PTK2: variants seen among roughly 807,000 people sequenced by gnomAD.
PTK2 encodes the protein protein tyrosine kinase 2.
A neutral mutation model predicts 150.1 loss-of-function variants in PTK2; 45 were observed. The observed-to-expected ratio is 0.30, with a 90% CI of 0.24 to 0.38. The LOEUF is 0.38. Among genes scored for constraint, PTK2 ranks in the 10% least tolerant of loss-of-function variants. PTK2 has a pLI of 1.00. For synonymous variants in PTK2, 432 were observed against 449.2 expected (o/e 0.96, Z 0.48); for missense variants, 919 against 1,307.3 (o/e 0.70, Z 4.58).
chr8:140,775,931 C>T (rs1376642620), intron 14 of PTK2, among the ~76,000 whole-genome samples: 1 of 152,160 alleles, frequency 6.6e-6, no homozygotes, highest in East Asian at 1.9e-4. Flanking sequence ...GCCCCTGCAC[C>T]TAAACCACTA....
At chr8:140,729,061 T>C (rs2100047651) in intron 22 of PTK2, among the ~76,000 whole-genome samples, 1 of 151,872 alleles carries the variant, frequency 6.6e-6, no homozygotes, top group African/African-American at 2.4e-5. Context: ...GGTATGATAC[T>C]GAGAAGCGAT....
intron 24 of PTK2, among the ~76,000 whole-genome samples, chr8:140,705,453 G>T (rs1368560723): frequency 6.6e-6 from 1 of 152,146 alleles, no homozygotes; most frequent in Non-Finnish European, 1.5e-5. Flanking sequence ...TGAGAAGAAT[G>T]GTTGCTCCTG....
intron 1 of PTK2, among the ~76,000 whole-genome samples, chr8:140,978,998 C>T (rs1474531696): frequency 6.6e-6 from 1 of 151,346 alleles, no homozygotes; most frequent in Non-Finnish European, 1.5e-5. Context: ...TCTCAGCAAA[C>T]TATCGCAAGG....
intron 12 of PTK2, among the ~76,000 whole-genome samples, chr8:140,793,825 C>T (rs1460991199): frequency 2.6e-5 from 4 of 152,150 alleles, no homozygotes; most frequent in Non-Finnish European, 4.4e-5. Context: ...TGGCTGCCAA[C>T]GGAATGAATG....
chr8:140,961,202 A>G (rs945266769), intron 1 of PTK2, among the ~76,000 whole-genome samples: 9 of 152,200 alleles, frequency 5.9e-5, no homozygotes, highest in African/African-American at 2.2e-4. Flanking sequence ...ACTACACCAC[A>G]CTTTGCTAAG....
chr8:140,722,263 G>A (rs910143843), intron 22 of PTK2, among the ~76,000 whole-genome samples: 6 of 152,110 alleles, frequency 3.9e-5, no homozygotes, highest in Non-Finnish European at 7.4e-5. Context: ...GTGATCCACT[G>A]TGCCTGGCCA....
intron 3 of PTK2, among the ~76,000 whole-genome samples, chr8:140,886,173 G>A (rs931330778): frequency 6.6e-6 from 1 of 152,198 alleles, no homozygotes; most frequent in African/African-American, 2.4e-5. Flanking sequence ...AAAGACGATT[G>A]CAAATGGATC....
chr8:140,668,550 G>A, intron 29 of PTK2, 126 bp from the exon 34 acceptor site: 1 of 1,087,824 alleles, frequency 9.2e-7, no homozygotes, highest in Non-Finnish European at 1.3e-6. Flanking sequence ...ATTTTCTTGT[G>A]TGTGCGGGAT....
chr8:140,863,083 T>C (rs540121710), intron 5 of PTK2, among the ~76,000 whole-genome samples: 23 of 152,256 alleles, frequency 1.5e-4, no homozygotes, highest in African/African-American at 5.3e-4. Context: ...TAGAAAAATA[T>C]AGAACAACTT....
chr8:140,909,930 T>C (rs768325884), intron 2 of PTK2, among the ~76,000 whole-genome samples: 30 of 152,200 alleles, frequency 2.0e-4, no homozygotes, highest in Non-Finnish European at 1.0e-4. Context: ...TGAAATGTAT[T>C]CATAATCCAA....
rs569620288 is a variant in PTK2, at chr8:140,693,025, C to T, written c.2500-6331G>A. Among the ~76,000 whole-genome samples the T allele has an allele frequency of 1.2e-4, 18 of 151,960 alleles. No individual in the cohort carries two copies. The South Asian group carries it at 3.7e-3, about 32-fold the overall frequency. On this transcript the variant is annotated intron_variant, in intron 26 of 31. Coordinates refer to ENST00000522684, the Ensembl canonical transcript of PTK2. ...TTTAAAATTAAAATCCTGTTTTAAG[C>T]ATAGTATCACATTAGAAAATTATTG...
chr8:140,772,321 G>C (rs1008467061), intron 14 of PTK2, among the ~76,000 whole-genome samples: 3 of 152,132 alleles, frequency 2.0e-5, no homozygotes, highest in African/African-American at 4.8e-5. Context: ...CCCAGCTATT[G>C]AGGAGGCTGA....
intron 30 of PTK2, among the ~76,000 whole-genome samples, chr8:140,667,464 CTCT>C (rs1554635372): frequency 7.3e-4 from 62 of 84,704 alleles, no homozygotes; most frequent in Middle Eastern, 6.0e-3. Flanking sequence ...CTCTCTCTCT[CTCT>C]TTTTTTTTTT....
chr8:140,764,040 G>C (rs1206394091), intron 15 of PTK2, 194 bp downstream of exon 17: 2 of 609,312 alleles, frequency 3.3e-6, no homozygotes, highest in East Asian at 5.2e-5. Flanking sequence ...ACAGATATTT[G>C]AGTTTTAGGC....
chr8:140,888,251 T>C (rs1480021907), intron 3 of PTK2, among the ~76,000 whole-genome samples: 1 of 152,228 alleles, frequency 6.6e-6, no homozygotes, highest in East Asian at 1.9e-4. Flanking sequence ...TTTGTTCAGA[T>C]GTACAAATCC....
chr8:140,816,341 A>G (rs143795744), intron 10 of PTK2, among the ~76,000 whole-genome samples: 89 of 152,340 alleles, frequency 5.8e-4, no homozygotes, highest in African/African-American at 2.0e-3. Context: ...CTGAAACACA[A>G]TATCAAAAAA....
rs140199555 is a variant in PTK2 at position 140,719,047 on chromosome 8, G to A, written c.2031-1338C>T. Among the ~76,000 whole-genome samples, 78 of 152,068 alleles carry A rather than the reference G, an allele frequency of 5.1e-4. No homozygotes were observed. The East Asian group carries it at 0.012, about 23-fold the overall frequency. On this transcript the variant is annotated intron_variant, in intron 22 of 31. Transcript: ENST00000522684. ...AAAAATTAGCCCGGTGTGGTGGCGC[G>A]TGCCTGTAGTTCCAGCTACTCGGGA...
chr8:140,935,722 C>CA (rs1198469615), intron 1 of PTK2, among the ~76,000 whole-genome samples: 1 of 42,952 alleles, frequency 2.3e-5, no homozygotes, highest in Admixed American at 3.5e-4. Context: ...TTTTTTGAGA[C>CA]AGAGTCTCGC....
intron 2 of PTK2, among the ~76,000 whole-genome samples, chr8:140,903,574 A>G (rs1183866551): frequency 6.6e-6 from 1 of 152,122 alleles, no homozygotes; most frequent in Non-Finnish European, 1.5e-5. Context: ...ACAGCATCGA[A>G]TCTATAAATT....
Sources: gnomAD v4.1 joint callset for allele counts (sites outside exome capture counted in the v4.1 genomes callset) on GRCh38, gnomAD v4.1.1 for gene constraint, MANE v1.5 for transcripts, NCBI Gene and HGNC (gene_info 2026-07-23, HGNC 2026-07-21) for gene names.